The following PGAP3 variants were observed in gnomAD, a reference collection of about 807,000 sequenced individuals.
PGAP3 encodes GPI-specific phospholipase A2-like PGAP3.
In PGAP3, 31 loss-of-function variants were observed where a neutral mutation model predicts 40.3. The ratio of observed to expected loss-of-function variants is 0.77; its 90% CI spans 0.58 to 1.04. The LOEUF is 1.04. Ranked by LOEUF, PGAP3 falls within the 50% of genes least tolerant of loss-of-function variation. The probability of loss-of-function intolerance (pLI) is 0.00; values close to 1 mark genes in which losing one functional copy is unlikely to be tolerated. For synonymous variants in PGAP3, 191 were observed against 184.5 expected (o/e 1.04, Z -0.29); for missense variants, 413 against 423.0 (o/e 0.98, Z 0.21).
chr17:39,684,492 A>G, intron 3 of PGAP3, 105 bp downstream of exon 3: 1 of 1,349,292 alleles, frequency 7.4e-7, no homozygotes, highest in Admixed American at 2.6e-5. Flanking sequence ...CCTGGGAAAC[A>G]GAGGGGAAGC....
At chr17:39,676,688 C>T (rs1352653109) in intron 3 of PGAP3, 2 of 152,256 alleles carry the variant, frequency 1.3e-5, no homozygotes, top group Non-Finnish European at 2.9e-5. Context: ...GGGTTCAGTT[C>T]CTGGCTCTGC....
chr17:39,684,082 C>T (rs1375855518), intron 3 of PGAP3, among the ~76,000 whole-genome samples: 1 of 139,274 alleles, frequency 7.2e-6, no homozygotes, highest in African/African-American at 2.7e-5. Context: ...CAAGATTGCG[C>T]CATTTGCACT....
rs1171223104 is a variant in PGAP3 at position 39,672,633 on chromosome 17, G to T, written c.*170C>A. 5 of 702,238 alleles carry T rather than the reference G, an allele frequency of 7.1e-6. No homozygotes were observed. The highest frequency in any genetic ancestry group is 1.2e-5 in the Non-Finnish European group (5 of 410,122). The allele number at this position is 702,238 out of a possible 1,614,324, so 43.5% of individuals were successfully genotyped here. ...GGCCTTCCCTAGAACAGACTCCAAGGCTGGTGAGGGCCAACAGGGGGTGGG... is the reference window on the plus strand; with the variant it reads ...GGCCTTCCCTAGAACAGACTCCAAGTCTGGTGAGGGCCAACAGGGGGTGGG... On this transcript the variant is annotated 3_prime_UTR_variant, in exon 8 of 8. Transcript: ENST00000300658.
intron 1 of PGAP3, among the ~76,000 whole-genome samples, chr17:39,686,750 T>A (rs561201116): frequency 6.6e-6 from 1 of 152,180 alleles, no homozygotes; most frequent in Non-Finnish European, 1.5e-5. Flanking sequence ...CTTGTCATGT[T>A]GCCTAGGCTA....
intron 4 of PGAP3, among the ~76,000 whole-genome samples, chr17:39,674,386 G>T (rs1044157556): frequency 5.3e-5 from 8 of 152,132 alleles, no homozygotes; most frequent in Non-Finnish European, 8.8e-5. Flanking sequence ...TAAGCATGTG[G>T]TCCCCCTGTC....
At chr17:39,678,213 C>G (rs1329898768) in intron 3 of PGAP3, among the ~76,000 whole-genome samples, 1 of 152,226 alleles carries the variant, frequency 6.6e-6, no homozygotes, top group Non-Finnish European at 1.5e-5. Flanking sequence ...CAGCTGCAAC[C>G]TACCTCTTCT....
chr17:39,684,859 TCTG>T, intron 2 of PGAP3, 110 bp from the exon 3 acceptor site: 6 of 1,346,088 alleles, frequency 4.5e-6, no homozygotes, highest in Non-Finnish European at 4.9e-6. Context: ...AGTCCTCAGC[TCTG>T]GAGTTTGGCC....
intron 3 of PGAP3, among the ~76,000 whole-genome samples, chr17:39,682,666 A>G (rs2057457373): frequency 6.6e-6 from 1 of 152,068 alleles, no homozygotes; most frequent in Non-Finnish European, 1.5e-5. Flanking sequence ...AAAACTACCA[A>G]CTGGTCTACT....
At chr17:39,680,781 G>A (rs563775390) in intron 3 of PGAP3, among the ~76,000 whole-genome samples, 9 of 152,230 alleles carry the variant, frequency 5.9e-5, no homozygotes, top group African/African-American at 2.2e-4. Flanking sequence ...GGTTCCCCAG[G>A]GCTTTGCCCT....
At chr17:39,678,749 C>G (rs2057405020) in intron 3 of PGAP3, among the ~76,000 whole-genome samples, 2 of 152,232 alleles carry the variant, frequency 1.3e-5, no homozygotes, top group South Asian at 4.1e-4. Context: ...CAGAAACTCA[C>G]AGGGCAACTG....
chr17:39,675,755 T>C (rs940557338), intron 3 of PGAP3, among the ~76,000 whole-genome samples: 2 of 151,488 alleles, frequency 1.3e-5, no homozygotes, highest in African/African-American at 4.9e-5. Context: ...CAGGAGAGAA[T>C]GGGAGGAGAA....
Position 39,672,890 on chromosome 17 carries a change from T to C in PGAP3, c.900-24A>G, listed in dbSNP as rs774879721. ...AGCTGTGGGCCAAAGGAGTAGCCCA[T>C]TGAGGCACACAGCTCTGACAGCTCG... On this transcript the variant is annotated intron_variant, in intron 7 of 7. Transcript: ENST00000300658. 10 of 1,611,678 alleles carry C rather than the reference T, an allele frequency of 6.2e-6. No individual in the cohort carries two copies. In the East Asian group the frequency reaches 1.6e-4, roughly 25 times the overall value.
chr17:39,685,086 T>G lies in PGAP3; in HGVS notation c.280-337A>C, dbSNP rs75016824. Among the ~76,000 whole-genome samples, 69 of 152,250 alleles carry G rather than the reference T, an allele frequency of 4.5e-4. 1 individual carries two copies. The East Asian group carries it at 8.1e-3, about 18-fold the overall frequency. On this transcript the variant is annotated intron_variant, in intron 2 of 7. Transcript: ENST00000300658. ...CAGGTCCCAACCCCTCCTCTACCAC[T>G]GACCACGGTCCTTTGAGCCTCAGCT...
Position 39,684,473 on chromosome 17 carries a change from A to C in PGAP3, c.432+124T>G. 4 of 1,236,006 alleles carry C rather than the reference A, an allele frequency of 3.2e-6. No homozygotes were observed. The South Asian group carries it at 6.7e-5, about 21-fold the overall frequency. 76.6% of individuals were successfully genotyped at this position (1,236,006 alleles called of 1,614,324 possible). ...CCAGGCTTTACCACCCTGCAGCTGC[A>C]ACTTTAGCCCTGGGAAACAGAGGGG... On this transcript the variant is annotated intron_variant, in intron 3 of 7. Coordinates refer to ENST00000300658, the MANE Select transcript of PGAP3 (RefSeq NM_033419.5).
intron 3 of PGAP3, among the ~76,000 whole-genome samples, chr17:39,680,319 G>A (rs2057424100): frequency 6.6e-6 from 1 of 152,134 alleles, no homozygotes; most frequent in Non-Finnish European, 1.5e-5. Flanking sequence ...GCTCATAAGG[G>A]TACTATGAGG....
chr17:39,672,917 A>T (rs752678277), intron 7 of PGAP3, 51 bp from the exon 8 acceptor site: 1 of 1,600,456 alleles, frequency 6.2e-7, no homozygotes, highest in South Asian at 1.1e-5. Flanking sequence ...GACAGCTCGC[A>T]TGGAGACAAG....
chr17:39,674,663 C>T lies in PGAP3; in HGVS notation c.449G>A (p.Trp150Ter). ...GGTGTGGAAAACTGTGGACCAGAAC[C>T]ATGCATTGAGGGACACCTAAGGAGG... ...VAFAWVSLNA[W>*]FWSTVFHTRD... The change falls in exon 4 of 8, where the codon TGG becomes TAG. Residue 150 changes from tryptophan (W) to a stop codon, truncating the protein, a stop_gained. Coordinates refer to ENST00000300658, the MANE Select transcript of PGAP3 (RefSeq NM_033419.5). LOFTEE classifies it high-confidence loss of function. 1.9e-6 allele frequency: 3 copies of T among 1,551,220 alleles called. No homozygotes were observed. Among genetic ancestry groups the T allele is most frequent in the Non-Finnish European group, 2.6e-6 (3 of 1,146,658 alleles).
Position 39,687,968 on chromosome 17 carries a change from G to A in PGAP3, c.47C>T (p.Ala16Val). 6.8e-7 allele frequency: 1 copy of A among 1,467,798 alleles called. No homozygotes were observed. The highest frequency in any genetic ancestry group is 9.1e-7 in the Non-Finnish European group (1 of 1,094,804). 90.9% of individuals were successfully genotyped at this position (1,467,798 alleles called of 1,614,324 possible). The change falls in exon 1 of 8, where the codon GCG becomes GTG. Residue 16 changes from alanine to valine, a missense_variant. Coordinates refer to ENST00000300658, the MANE Select transcript of PGAP3 (RefSeq NM_033419.5). ...ARLVLLAGAA[A>V]LASGSQGDRE... ...GTCGCCCTGGGAGCCGCTCGCCAGCGCCGCTGCCCCAGCTAGCAGGACCAA... is the reference window on the plus strand; with the variant it reads ...GTCGCCCTGGGAGCCGCTCGCCAGCACCGCTGCCCCAGCTAGCAGGACCAA...
chr17:39,679,534 C>T (rs1240080002), intron 3 of PGAP3, among the ~76,000 whole-genome samples: 6 of 152,156 alleles, frequency 3.9e-5, no homozygotes, highest in African/African-American at 1.4e-4. Flanking sequence ...GGGTGGTACA[C>T]GCTGTGGGCC....
Sources: allele counts gnomAD v4.1 joint callset (sites outside exome capture counted in the v4.1 genomes callset), GRCh38; gene constraint gnomAD v4.1.1; transcripts MANE v1.5; gene names NCBI Gene and HGNC (gene_info 2026-07-23, HGNC 2026-07-21).